The following SMN1 variants were observed in gnomAD, a reference collection of about 807,000 sequenced individuals.
SMN1 encodes the protein survival of motor neuron 1, telomeric.
For synonymous variants in SMN1, 3 were observed against 5.1 expected, an observed-to-expected ratio of 0.58 and a Z score of 0.56; for missense variants, 15 against 17.1, an observed-to-expected ratio of 0.88 and a Z score of 0.22.
chr5:70,963,937 T>C, the SMN1 span, among the ~76,000 whole-genome samples: 1 of 87,160 alleles, frequency 1.1e-5, no homozygotes, highest in Admixed American at 1.3e-4. Context: ...CAGGCTGGAG[T>C]GCAGTGGCGT....
intron 8 of SMN1, 32 bp downstream of exon 8, chr5:70,952,026 T>C (rs544954304): frequency 2.8e-5 from 45 of 1,608,014 alleles, no homozygotes; most frequent in Admixed American, 1.7e-4. Context: ...AAGTGAATCT[T>C]ACTTTTGTAA....
At chr5:70,956,545 TTTCCCAGC>T, downstream of SMN1, among the ~76,000 whole-genome samples, 1 of 145,392 alleles carries the variant, frequency 6.9e-6, no homozygotes, top group African/African-American at 2.5e-5. Flanking sequence ...GGCTAGCCAG[TTTCCCAGC>T]ACCATTTATT....
At chr5:70,960,867 T>C in the SMN1 span, among the ~76,000 whole-genome samples, 8 of 149,230 alleles carry the variant, frequency 5.4e-5, no homozygotes, top group South Asian at 1.7e-3. Context: ...AGCATAATTT[T>C]TGTATTTTTA....
At chr5:70,935,507 CT>C (rs1457518806) in intron 1 of SMN1, among the ~76,000 whole-genome samples, 2 of 126,444 alleles carry the variant, frequency 1.6e-5, no homozygotes, top group Admixed American at 8.3e-5. Context: ...AATCCCAGCA[CT>C]TTGGGAGGCT....
the SMN1 span, among the ~76,000 whole-genome samples, chr5:70,960,796 A>G: frequency 6.7e-6 from 1 of 148,636 alleles, no homozygotes; most frequent in African/African-American, 2.5e-5. Context: ...CCCGGGTTCA[A>G]ACGATTCTCC....
At chr5:70,958,507 T>A (rs1361421410), downstream of SMN1, among the ~76,000 whole-genome samples, 3 of 35,422 alleles carry the variant, frequency 8.5e-5, no homozygotes, top group African/African-American at 2.5e-4. Context: ...AATTCTGGTA[T>A]GTTGTGTCTT....
chr5:70,954,887 A>G (rs1288021889), downstream of SMN1, among the ~76,000 whole-genome samples: 1 of 13,612 alleles, frequency 7.3e-5, no homozygotes, highest in Non-Finnish European at 1.4e-4. Flanking sequence ...AAAAAAAAAA[A>G]AAAAAAAAAA....
downstream of SMN1, among the ~76,000 whole-genome samples, chr5:70,955,770 G>C (rs1749890991): frequency 6.8e-6 from 1 of 147,406 alleles, no homozygotes; most frequent in African/African-American, 2.6e-5. Context: ...GGGTGACTCA[G>C]TGACTGTCTC....
At chr5:70,957,392 G>A (rs1428848161), downstream of SMN1, among the ~76,000 whole-genome samples, 1 of 129,386 alleles carries the variant, frequency 7.7e-6, no homozygotes, top group Non-Finnish European at 1.7e-5. Flanking sequence ...CCTGTCTTGT[G>A]CGTGTTTTCA....
At chr5:70,948,329 C>CCTGA (rs1299283339) in intron 7 of SMN1, among the ~76,000 whole-genome samples, 1 of 144,428 alleles carries the variant, frequency 6.9e-6, no homozygotes, top group Non-Finnish European at 1.5e-5. Context: ...AGGTGGATCA[C>CCTGA]GAGGTCAGGA....
chr5:70,949,960 C>T (rs1245561653), intron 7 of SMN1, among the ~76,000 whole-genome samples: 1 of 134,026 alleles, frequency 7.5e-6, no homozygotes, highest in Non-Finnish European at 1.6e-5. Context: ...CCCAGCTACT[C>T]AGGAGGCTGA....
rs190526531 is a variant in SMN1 at position 70,950,188 on chromosome 5, C to T, written c.835-1753C>T. On this transcript the variant is annotated intron_variant, in intron 7 of 8. Coordinates refer to ENST00000380707, the MANE Select transcript of SMN1 (RefSeq NM_000344.4). ...ATCCCAACACTTTGGGAGGCCAAGG[C>T]GGGTGAATCACCTGAAGTCGGGAGT... 1.5e-3 allele frequency among the ~76,000 whole-genome samples: 224 copies of T among 150,142 alleles called. 22 individuals are homozygous for T. The highest frequency in any genetic ancestry group is 0.014 in the Admixed American group (211 of 14,914).
the SMN1 span, among the ~76,000 whole-genome samples, chr5:70,963,878 CTTTTTT>C: frequency 4.5e-4 from 31 of 69,284 alleles, 2 homozygotes; most frequent in Non-Finnish European, 7.1e-4. Context: ...AAGTTTCAAA[CTTTTTT>C]TTTTTTTTTT....
intron 7 of SMN1, among the ~76,000 whole-genome samples, chr5:70,950,016 C>T (rs1207240424): frequency 4.2e-5 from 6 of 141,192 alleles, no homozygotes; most frequent in Admixed American, 3.7e-4. Flanking sequence ...TGCGGTGAGC[C>T]GAGATCACCT....
intron 7 of SMN1, among the ~76,000 whole-genome samples, chr5:70,951,063 T>C (rs951675477): frequency 1.3e-5 from 2 of 151,928 alleles, no homozygotes; most frequent in Non-Finnish European, 2.9e-5. Flanking sequence ...CATGAGCCAC[T>C]GTGACCGGCA....
chr5:70,959,174 C>G, the SMN1 span, among the ~76,000 whole-genome samples: 31 of 148,520 alleles, frequency 2.1e-4, no homozygotes, highest in African/African-American at 7.4e-4. Context: ...CCAAACACCG[C>G]ATGTTCTCAC....
At chr5:70,951,903 A>G in intron 7 of SMN1, 38 bp from the exon 8 acceptor site, 4 of 1,584,578 alleles carry the variant, frequency 2.5e-6, no homozygotes, top group Non-Finnish European at 3.5e-6. Flanking sequence ...CTATGTCTAT[A>G]TAGCTATTTT....
intron 7 of SMN1, among the ~76,000 whole-genome samples, chr5:70,949,804 C>CAG (rs1561501700): frequency 1.1e-5 from 1 of 92,038 alleles, no homozygotes; most frequent in African/African-American, 4.5e-5. Context: ...CACGGTGGCT[C>CAG]ACACCTGTAA....
At chr5:70,960,017 GGA>G in the SMN1 span, among the ~76,000 whole-genome samples, 2 of 142,234 alleles carry the variant, frequency 1.4e-5, no homozygotes, top group African/African-American at 5.1e-5. Context: ...ATACCAACAT[GGA>G]GAGTTTGTTT....
Sources: allele counts gnomAD v4.1 joint callset (sites outside exome capture counted in the v4.1 genomes callset), GRCh38; gene constraint gnomAD v4.1.1; transcripts MANE v1.5; gene names NCBI Gene and HGNC (gene_info 2026-07-23, HGNC 2026-07-21).